Variants in USH2A observed in about 807,000 individuals in gnomAD.
The protein encoded by USH2A is Usher syndrome 2A (autosomal recessive, mild).
A neutral mutation model predicts 538.9 loss-of-function variants in USH2A; 443 were observed. The observed-to-expected ratio is 0.82, with a 90% confidence interval of 0.76 to 0.89. The LOEUF (loss-of-function observed/expected upper bound fraction) is 0.89. USH2A is among the 40% of genes least tolerant of loss of function. USH2A has a pLI of 0.00. For synonymous variants in USH2A, 2,413 were observed against 2,273.5 expected (o/e 1.06, Z -1.75); for missense variants, 6,633 against 6,324.8 (o/e 1.05, Z -1.65).
chr1:215,981,367 C>T (rs1667749166), intron 35 of USH2A, among the ~76,000 whole-genome samples: 1 of 151,740 alleles, frequency 6.6e-6, no homozygotes, highest in South Asian at 2.1e-4. Flanking sequence ...TTTGTGGGCC[C>T]TTATAGTATA....
chr1:216,269,994 T>C (rs905133796), intron 11 of USH2A, among the ~76,000 whole-genome samples: 2 of 152,152 alleles, frequency 1.3e-5, no homozygotes, highest in Admixed American at 6.6e-5. Flanking sequence ...TTATTGTGCA[T>C]GTGTGAACAT....
chr1:215,994,946 GA>G (rs202213358), intron 34 of USH2A, among the ~76,000 whole-genome samples: 3 of 151,884 alleles, frequency 2.0e-5, no homozygotes, highest in East Asian at 1.9e-4. Context: ...TTCTCAGGGA[GA>G]AAAAAAATCC....
intron 13 of USH2A, among the ~76,000 whole-genome samples, chr1:216,240,784 A>G (rs1367240067): frequency 6.6e-6 from 1 of 152,198 alleles, no homozygotes; most frequent in Non-Finnish European, 1.5e-5. Flanking sequence ...AACCAAGAAG[A>G]GAGAACGTGT....
intron 35 of USH2A, among the ~76,000 whole-genome samples, chr1:215,979,180 T>C (rs966967120): frequency 1.8e-4 from 27 of 152,196 alleles, no homozygotes; most frequent in African/African-American, 5.8e-4. Context: ...AACCATTAGA[T>C]CTCATGAGAC....
intron 26 of USH2A, chr1:216,079,826 T>C (rs1267312170): frequency 2.0e-5 from 3 of 152,112 alleles, no homozygotes; most frequent in African/African-American, 7.2e-5. Flanking sequence ...ATAAGGATAA[T>C]GATGATGCTG....
intron 61 of USH2A, among the ~76,000 whole-genome samples, chr1:215,708,541 G>T (rs1031713828): frequency 2.0e-5 from 3 of 152,190 alleles, no homozygotes; most frequent in Admixed American, 2.0e-4. Flanking sequence ...TCCATGGAAG[G>T]GGGAGGTGGG....
At chr1:215,834,603 G>C (rs1663422639) in intron 47 of USH2A, among the ~76,000 whole-genome samples, 1 of 152,144 alleles carries the variant, frequency 6.6e-6, no homozygotes, top group Admixed American at 6.5e-5. Flanking sequence ...GATTGTGGTA[G>C]TGTCTGTTCT....
chr1:215,749,112 A>T (rs1455576878), intron 58 of USH2A, among the ~76,000 whole-genome samples: 1 of 152,160 alleles, frequency 6.6e-6, no homozygotes, highest in Non-Finnish European at 1.5e-5. Context: ...CTACGAAAAT[A>T]CTGTATTATT....
intron 49 of USH2A, among the ~76,000 whole-genome samples, chr1:215,802,804 C>T (rs180792300): frequency 3.3e-5 from 5 of 152,250 alleles, no homozygotes; most frequent in African/African-American, 1.2e-4. Context: ...GAAATTTGTA[C>T]ATTTCTACAT....
chr1:216,182,213 T>C (rs185424987), intron 20 of USH2A, among the ~76,000 whole-genome samples: 1 of 152,102 alleles, frequency 6.6e-6, no homozygotes, highest in Admixed American at 6.6e-5. Flanking sequence ...GTTCAGATGA[T>C]TTTTTGCCTA....
chr1:215,813,818 A>G lies in USH2A; in HGVS notation c.9657T>C (p.Thr3219=), dbSNP rs1483289111. 6.2e-7 allele frequency: 1 copy of G among 1,613,952 alleles called. No homozygotes were observed. The highest frequency in any genetic ancestry group is 1.7e-5 in the Admixed American group (1 of 60,002). Reference sequence around the variant, plus strand: ...GTATTCGGCCACCACAACAAACTCCAGTAGAATTCAGAACAAACGGGATAT... The same window carrying G: ...GTATTCGGCCACCACAACAAACTCCGGTAGAATTCAGAACAAACGGGATAT... ...EKYIPFVLNS[T]GVCCGGRIQE... Residue 3219 remains threonine (T), a synonymous_variant, in exon 49 of 72, where the codon ACT becomes ACC. Coordinates refer to ENST00000307340, the MANE Select transcript of USH2A (RefSeq NM_206933.4).
At chr1:215,946,082 G>A (rs1438505448) in intron 37 of USH2A, among the ~76,000 whole-genome samples, 1 of 152,124 alleles carries the variant, frequency 6.6e-6, no homozygotes, top group East Asian at 1.9e-4. Context: ...AAGAAATGCT[G>A]CTCTAAACTT....
intron 31 of USH2A, among the ~76,000 whole-genome samples, chr1:216,047,806 T>C (rs897258314): frequency 2.0e-5 from 3 of 152,210 alleles, no homozygotes; most frequent in Admixed American, 6.5e-5. Context: ...ATTCCTCTTA[T>C]CCAGAATAGA....
intron 3 of USH2A, among the ~76,000 whole-genome samples, chr1:216,408,681 C>T (rs573634700): frequency 8.5e-5 from 13 of 152,146 alleles, no homozygotes; most frequent in Non-Finnish European, 1.6e-4. Flanking sequence ...GACTTTATGG[C>T]TTCTTGGCAT....
intron 21 of USH2A, among the ~76,000 whole-genome samples, chr1:216,169,557 T>G (rs1369873897): frequency 6.6e-6 from 1 of 152,158 alleles, no homozygotes; most frequent in Non-Finnish European, 1.5e-5. Context: ...TAAACAGTCT[T>G]GACATTTACA....
At position 215,836,565 on chromosome 1, in the gene USH2A, A is replaced by ATATATTTTT. The variant is rs1553267793; in HGVS notation, c.9371+1425_9371+1426insAAAAATATA. Among the ~76,000 whole-genome samples, 5 of 32,880 alleles carry ATATATTTTT rather than the reference A, an allele frequency of 1.5e-4. 1 individual carries two copies. The highest frequency in any genetic ancestry group is 2.1e-3 in the South Asian group (2 of 970). The allele number at this position is 32,880 out of a possible 152,430, so 21.6% of individuals were successfully genotyped here. On this transcript the variant is annotated intron_variant, in intron 47 of 71. Transcript: ENST00000307340. ...ATAATATATATATATATATATATAT[A>ATATATTTTT]TTTTTTTTTGAGACAGAGTATCACT...
chr1:215,671,194 A>C lies in USH2A; in HGVS notation c.13911T>G (p.Pro4637=). The C allele has an allele frequency of 6.2e-7, 1 of 1,614,106 alleles. No homozygotes were observed. Among genetic ancestry groups the C allele is most frequent in the East Asian group, 2.2e-5 (1 of 44,874 alleles). The change falls in exon 64 of 72, where the codon CCT becomes CCG. Residue 4637 remains proline (P), a synonymous_variant. Coordinates refer to ENST00000307340, the MANE Select transcript of USH2A (RefSeq NM_206933.4). ...TPEIAPLMQP[P]PHLEVQMAPG... is the part of the protein sequence containing the mutation. ...GAGCCATTTGTACCTCCAGATGTGG[A>C]GGGGGTTGCATCAAAGGTGCAATCT...
At chr1:216,270,532 T>C (rs1297377272) in intron 11 of USH2A, among the ~76,000 whole-genome samples, 28 of 152,116 alleles carry the variant, frequency 1.8e-4, no homozygotes. Flanking sequence ...CCACAAGCTA[T>C]GCACTCTGTG....
Position 216,196,581 on chromosome 1 carries a change from T to C in USH2A, c.4223A>G (p.Gln1408Arg), listed in dbSNP as rs2102460311. Residue 1408 changes from glutamine (Q) to arginine (R), a missense_variant, in exon 19 of 72, where the codon CAA (glutamine) becomes CGA (arginine). Transcript: ENST00000307340. ...DINMLSEQSPQQSIPMAFSQL... is the reference protein window; with the variant it reads ...DINMLSEQSPRQSIPMAFSQL... ...TGAAAACGCCATGGGAATAGACTGT[T>C]GAGGTGATTGTTCAGAAAGCATATT... 6.2e-7 allele frequency: 1 copy of C among 1,613,544 alleles called. No homozygotes were observed. The highest frequency in any genetic ancestry group is 1.3e-5 in the African/African-American group (1 of 75,010).
Sources: allele counts gnomAD v4.1 joint callset (sites outside exome capture counted in the v4.1 genomes callset), GRCh38; gene constraint gnomAD v4.1.1; transcripts MANE v1.5; gene names NCBI Gene and HGNC (gene_info 2026-07-23, HGNC 2026-07-21).